Variants in INTS6 observed in about 807,000 individuals in gnomAD.
The protein encoded by INTS6 is integrator complex subunit 6, also known as DEAD box protein.
A neutral mutation model predicts 104.9 loss-of-function variants in INTS6; 16 were observed. The observed-to-expected ratio is 0.15, with a 90% CI of 0.10 to 0.23. The LOEUF is 0.23. INTS6 is among the 10% of genes least tolerant of loss of function. The probability of loss-of-function intolerance (pLI) is 1.00; values close to 1 mark genes in which losing one functional copy is unlikely to be tolerated. For missense variants in INTS6, 584 were observed against 1,062.8 expected (o/e 0.55, Z 6.26); for synonymous variants, 324 against 358.7 (o/e 0.90, Z 1.09).
chr13:51,338,968 A>G, the INTS6 span, among the ~76,000 whole-genome samples: 1 of 152,228 alleles, frequency 6.6e-6, no homozygotes, highest in Admixed American at 6.5e-5. Context: ...TAAGTCCTTA[A>G]TAAAAATGTA....
At chr13:51,399,986 T>G (rs1212783495) in intron 4 of INTS6, among the ~76,000 whole-genome samples, 1 of 152,184 alleles carries the variant, frequency 6.6e-6, no homozygotes, top group Non-Finnish European at 1.5e-5. Flanking sequence ...CAGCAGGAAG[T>G]GAGCAGTGGG....
chr13:51,367,688 G>C, intron 17 of INTS6, 117 bp downstream of exon 17: 1 of 545,414 alleles, frequency 1.8e-6, no homozygotes, highest in East Asian at 3.5e-5. Context: ...TTATATGTTG[G>C]TATGCCATAT....
At chr13:51,344,363 T>C in the INTS6 span, 1 of 1,613,594 alleles carries the variant, frequency 6.2e-7, no homozygotes, top group Non-Finnish European at 8.5e-7. Context: ...GGAACGCCAC[T>C]GTCCCCCTGC....
chr13:51,433,795 A>G (rs1329891198), intron 3 of INTS6, among the ~76,000 whole-genome samples: 2 of 152,238 alleles, frequency 1.3e-5, no homozygotes, highest in Non-Finnish European at 2.9e-5. Context: ...CTTACACAAA[A>G]TACTCTCCAC....
Position 51,394,120 on chromosome 13 carries a change from G to GA in INTS6, c.613+1179dup, listed in dbSNP as rs1956292844. Among the ~76,000 whole-genome samples, 3 of 151,566 alleles carry GA rather than the reference G, an allele frequency of 2.0e-5. No homozygotes were observed. The South Asian group carries it at 6.3e-4, about 32-fold the overall frequency. On this transcript the variant is annotated intron_variant, in intron 5 of 17. Coordinates refer to ENST00000311234, the MANE Select transcript of INTS6 (RefSeq NM_012141.3). Reference sequence around the variant, plus strand: ...GAATATAAATGTGCACCCTCCCACAGAAAAAAATACGACTGTCACTGAAAA... The same window carrying GA: ...GAATATAAATGTGCACCCTCCCACAGAAAAAAAATACGACTGTCACTGAAAA...
intron 3 of INTS6, chr13:51,446,368 A>G (rs940583996): frequency 6.6e-6 from 1 of 152,220 alleles, no homozygotes; most frequent in African/African-American, 2.4e-5. Context: ...ACGACCTCAC[A>G]CCCAATAGGA....
Position 51,363,526 on chromosome 13 carries a change from C to T in INTS6, c.*2226G>A, listed in dbSNP as rs1020802239. ...ACATTAAAAAAAAAGATTTGAAAAC[C>T]TCAAGATTAAACTTTCCAAGAATAT... On this transcript the variant is annotated 3_prime_UTR_variant, in exon 18 of 18. Transcript: ENST00000311234. 2.6e-5 allele frequency: 4 copies of T among 151,830 alleles called. No homozygotes were observed. The highest frequency in any genetic ancestry group is 2.1e-4 in the South Asian group (1 of 4,804). 9.4% of individuals were successfully genotyped at this position (151,830 alleles called of 1,614,324 possible).
At chr13:51,404,132 G>A (rs1002458823) in intron 4 of INTS6, among the ~76,000 whole-genome samples, 1 of 143,178 alleles carries the variant, frequency 7.0e-6, no homozygotes, top group African/African-American at 2.7e-5. Flanking sequence ...AGACAACCCA[G>A]GCGTGGTGAT....
At chr13:51,423,477 A>G (rs951571189) in intron 4 of INTS6, among the ~76,000 whole-genome samples, 1 of 152,090 alleles carries the variant, frequency 6.6e-6, no homozygotes, top group African/African-American at 2.4e-5. Context: ...GACAGATAAT[A>G]TAAATTAACT....
chr13:51,369,349 G>A, intron 15 of INTS6, 39 bp from the exon 16 acceptor site: 1 of 1,555,198 alleles, frequency 6.4e-7, no homozygotes, highest in Non-Finnish European at 8.7e-7. Flanking sequence ...ATGGGATCCA[G>A]TCTCAAAGCA....
chr13:51,374,294 A>G lies in INTS6; in HGVS notation c.2018T>C (p.Val673Ala). 6.2e-7 allele frequency: 1 copy of G among 1,614,102 alleles called. No homozygotes were observed. The highest frequency in any genetic ancestry group is 8.5e-7 in the Non-Finnish European group (1 of 1,179,962). The change falls in exon 15 of 18, where the codon GTA (valine) becomes GCA (alanine). Residue 673 changes from valine (V) to alanine (A), a missense_variant. By Grantham distance (64) the Val-to-Ala change is moderately conservative. Transcript: ENST00000311234. ...TCCTTTTCCCCCAATATGATTGTTTACAACAGGATTCTGCTGTCTGCCTCT... is the reference window on the plus strand; with the variant it reads ...TCCTTTTCCCCCAATATGATTGTTTGCAACAGGATTCTGCTGTCTGCCTCT... ...LLRGRQQNPV[V>A]NNHIGGKGPP...
At chr13:51,433,994 GC>G (rs1957142504) in intron 3 of INTS6, among the ~76,000 whole-genome samples, 1 of 152,192 alleles carries the variant, frequency 6.6e-6, no homozygotes, top group South Asian at 2.1e-4. Flanking sequence ...ACCTTATTAA[GC>G]TATTCTAATT....
downstream of INTS6, chr13:51,361,485 A>AT (rs1955573873): frequency 5.7e-6 from 4 of 698,712 alleles, no homozygotes; most frequent in Non-Finnish European, 9.7e-6. Flanking sequence ...GTGGTGTAGT[A>AT]TTTTTTAAAA....
At chr13:51,344,348 A>C in the INTS6 span, 1 of 1,613,798 alleles carries the variant, frequency 6.2e-7, no homozygotes, top group Non-Finnish European at 8.5e-7. Flanking sequence ...CTTTTTGTGC[A>C]AGTGGGAACG....
chr13:51,404,103 C>CACACAG (rs1491389220), intron 4 of INTS6, among the ~76,000 whole-genome samples: 8,577 of 103,122 alleles, frequency 0.083, 415 homozygotes, highest in East Asian at 0.23. Context: ...CACACACACA[C>CACACAG]AGAGAGAGAG....
Position 51,371,559 on chromosome 13 carries a change from C to A in INTS6, c.2105-2249G>T, listed in dbSNP as rs1173604278. On this transcript the variant is annotated intron_variant, in intron 15 of 17. Coordinates refer to ENST00000311234, the MANE Select transcript of INTS6 (RefSeq NM_012141.3). The stretch of plus-strand genomic sequence containing the variant: ...AAGCAAAATCCCATCTCTTGACTCA[C>A]TATCTGCTTGCCCCAGACTTGCATT... Among the ~76,000 whole-genome samples the A allele has an allele frequency of 5.3e-5, 8 of 152,162 alleles. No individual in the cohort carries two copies. The East Asian group carries it at 1.5e-3, about 29-fold the overall frequency.
At chr13:51,357,233 C>G (rs990411336), downstream of INTS6, among the ~76,000 whole-genome samples, 8 of 152,224 alleles carry the variant, frequency 5.3e-5, no homozygotes, top group East Asian at 1.3e-3. Context: ...AACCACTTCT[C>G]TGCCCAAATG....
chr13:51,392,454 C>G (rs1956260461), intron 5 of INTS6, among the ~76,000 whole-genome samples: 1 of 151,004 alleles, frequency 6.6e-6, no homozygotes, highest in Non-Finnish European at 1.5e-5. Context: ...TATTTGGCCC[C>G]TGCCTACCTC....
the INTS6 span, among the ~76,000 whole-genome samples, chr13:51,347,965 C>G: frequency 1.4e-4 from 21 of 152,124 alleles, no homozygotes; most frequent in Non-Finnish European, 2.5e-4. Flanking sequence ...GTCCCCCCCC[C>G]CATACCCAGT....
Sources: gnomAD v4.1 joint callset for allele counts (sites outside exome capture counted in the v4.1 genomes callset) on GRCh38, gnomAD v4.1.1 for gene constraint, MANE v1.5 for transcripts, NCBI Gene and HGNC (gene_info 2026-07-23, HGNC 2026-07-21) for gene names.